The following RAB33B variants were observed in gnomAD, a reference collection of about 807,000 sequenced individuals.
RAB33B encodes ras-related protein Rab-33B.
A neutral mutation model predicts 15.0 loss-of-function variants in RAB33B; 6 were observed. That is an observed-to-expected ratio of 0.40 (90% CI 0.22 to 0.79). The LOEUF (loss-of-function observed/expected upper bound fraction) is 0.79. Among genes scored for constraint, RAB33B ranks in the 30% least tolerant of loss-of-function variants. RAB33B has a pLI of 0.37. For synonymous variants in RAB33B, 117 were observed against 108.3 expected (o/e 1.08, Z -0.50); for missense variants, 257 against 296.4 (o/e 0.87, Z 0.98).
chr4:139,459,832 C>T (rs919549823), intron 1 of RAB33B, among the ~76,000 whole-genome samples: 1 of 152,110 alleles, frequency 6.6e-6, no homozygotes, highest in African/African-American at 2.4e-5. Flanking sequence ...CGGGGTTTCA[C>T]CATGTTGGCC....
intron 1 of RAB33B, among the ~76,000 whole-genome samples, chr4:139,455,386 C>G (rs1167855822): frequency 6.6e-6 from 1 of 152,154 alleles, no homozygotes; most frequent in Non-Finnish European, 1.5e-5. Context: ...GTCTTTATCT[C>G]AGTCTCTTGG....
At chr4:139,443,328 G>A in the RAB33B span, among the ~76,000 whole-genome samples, 1 of 152,164 alleles carries the variant, frequency 6.6e-6, no homozygotes, top group Non-Finnish European at 1.5e-5. Flanking sequence ...AAAAATAAAT[G>A]CGTTTGACAC....
At position 139,470,973 on chromosome 4, in the gene RAB33B, G is replaced by A. The variant is rs142353962; in HGVS notation, c.250-1713G>A. 1.4e-3 allele frequency among the ~76,000 whole-genome samples: 213 copies of A among 152,162 alleles called. 2 individuals carry two copies. The highest frequency in any genetic ancestry group is 4.8e-3 in the African/African-American group (201 of 41,490). On this transcript the variant is annotated intron_variant, in intron 1 of 1. Transcript: ENST00000305626. ...TCCTCTCCTCAAATGGAGGGAAGTG[G>A]TCTTTTTTGGAGCTGTGAGCTGTGC...
rs547327813 is a variant in RAB33B at position 139,473,627 on chromosome 4, C to T, written c.*501C>T. The T allele has an allele frequency of 6.4e-6, 1 of 155,548 alleles. No homozygotes were observed. Among genetic ancestry groups the T allele is most frequent in the Non-Finnish European group, 1.4e-5 (1 of 70,086 alleles). The allele number at this position is 155,548 out of a possible 1,614,324, so 9.6% of individuals were successfully genotyped here. On this transcript the variant is annotated 3_prime_UTR_variant, in exon 2 of 2. Coordinates refer to ENST00000305626, the MANE Select transcript of RAB33B (RefSeq NM_031296.3). ...GAGCTCCTGGGCTCAAGCAATCCTC[C>T]CACCTCAGCCTCCCCAGTACTGGGA...
chr4:139,447,752 C>T, the RAB33B span, among the ~76,000 whole-genome samples: 39 of 147,848 alleles, frequency 2.6e-4, no homozygotes, highest in South Asian at 1.7e-3. Flanking sequence ...CTGCAAGCTC[C>T]GCCTCCCGGG....
At chr4:139,448,678 A>G (rs1749867984), upstream of RAB33B, 1 of 152,218 alleles carries the variant, frequency 6.6e-6, no homozygotes. Context: ...TGAGCCTCCC[A>G]AAGTGCTAGG....
intron 1 of RAB33B, among the ~76,000 whole-genome samples, chr4:139,467,792 A>T (rs1750317830): frequency 6.6e-6 from 1 of 151,716 alleles, no homozygotes. Flanking sequence ...CAGGAGGTTG[A>T]GGCAGCAGTG....
chr4:139,456,288 A>G (rs2111069944), intron 1 of RAB33B, among the ~76,000 whole-genome samples: 1 of 152,334 alleles, frequency 6.6e-6, no homozygotes, highest in South Asian at 2.1e-4. Flanking sequence ...AAACAAAACA[A>G]AAACAAAAAC....
At chr4:139,467,913 A>G (rs377592745) in intron 1 of RAB33B, among the ~76,000 whole-genome samples, 6 of 149,960 alleles carry the variant, frequency 4.0e-5, no homozygotes, top group Non-Finnish European at 7.4e-5. Flanking sequence ...ATTGTTGACT[A>G]TAGTCACCCT....
chr4:139,462,142 C>T (rs1750184914), intron 1 of RAB33B, among the ~76,000 whole-genome samples: 1 of 151,190 alleles, frequency 6.6e-6, no homozygotes, highest in African/African-American at 2.4e-5. Context: ...CAAGCTCCGC[C>T]TCCCGGGTTC....
the RAB33B span, among the ~76,000 whole-genome samples, chr4:139,439,490 T>A: frequency 6.6e-6 from 1 of 152,254 alleles, no homozygotes; most frequent in Admixed American, 6.5e-5. Flanking sequence ...TTGATTATAA[T>A]GTATCTCAGT....
At chr4:139,463,938 G>T (rs569674955) in intron 1 of RAB33B, among the ~76,000 whole-genome samples, 1 of 152,302 alleles carries the variant, frequency 6.6e-6, no homozygotes, top group South Asian at 2.1e-4. Context: ...CTTTGTAAAT[G>T]CCTCATTATT....
intron 1 of RAB33B, among the ~76,000 whole-genome samples, chr4:139,461,534 A>G (rs191535272): frequency 5.4e-4 from 82 of 152,330 alleles, no homozygotes; most frequent in African/African-American, 1.6e-3. Context: ...TGGAGTATAC[A>G]TGGAATGTGC....
At chr4:139,471,095 G>C (rs1750380732) in intron 1 of RAB33B, among the ~76,000 whole-genome samples, 1 of 152,040 alleles carries the variant, frequency 6.6e-6, no homozygotes, top group Non-Finnish European at 1.5e-5. Flanking sequence ...ACTGTCTCTG[G>C]GCCAGTTTAG....
At chr4:139,439,820 G>C in the RAB33B span, among the ~76,000 whole-genome samples, 1 of 151,924 alleles carries the variant, frequency 6.6e-6, no homozygotes, top group Non-Finnish European at 1.5e-5. Context: ...AATCCCTCTT[G>C]TGAATTTTTA....
chr4:139,440,028 G>GA, the RAB33B span, among the ~76,000 whole-genome samples: 18 of 152,056 alleles, frequency 1.2e-4, no homozygotes, highest in African/African-American at 4.3e-4. Context: ...TATTTTTGTT[G>GA]AAAACCAGAC....
In RAB33B at chr4:139,472,754, T is replaced by C. The variant is rs1184312348; in HGVS notation, c.318T>C (p.Asn106=). The part of the protein sequence containing the change: ...RKSMVQHYYR[N]VHAVVFVYDM... ...GCATGGTTCAGCACTACTACAGAAATGTACATGCTGTTGTCTTCGTGTATG... is the reference window on the plus strand; with the variant it reads ...GCATGGTTCAGCACTACTACAGAAACGTACATGCTGTTGTCTTCGTGTATG... The change falls in exon 2 of 2, where the codon AAT becomes AAC. Residue 106 remains asparagine, a synonymous_variant. Transcript: ENST00000305626. 2 of 1,613,836 alleles carry C rather than the reference T, an allele frequency of 1.2e-6. No individual in the cohort carries two copies. Among genetic ancestry groups the C allele is most frequent in the Non-Finnish European group, 1.7e-6 (2 of 1,179,828 alleles).
chr4:139,458,995 C>T (rs1425812276), intron 1 of RAB33B, among the ~76,000 whole-genome samples: 1 of 152,166 alleles, frequency 6.6e-6, no homozygotes, highest in Non-Finnish European at 1.5e-5. Flanking sequence ...ATTTACATTT[C>T]TCTCATGATT....
chr4:139,459,540 C>T (rs1486570881), intron 1 of RAB33B, among the ~76,000 whole-genome samples: 2 of 152,134 alleles, frequency 1.3e-5, no homozygotes, highest in East Asian at 1.9e-4. Flanking sequence ...TCATTGCATA[C>T]ATACCTGTCT....
Sources: allele counts gnomAD v4.1 joint callset (sites outside exome capture counted in the v4.1 genomes callset), GRCh38; gene constraint gnomAD v4.1.1; transcripts MANE v1.5; gene names NCBI Gene and HGNC (gene_info 2026-07-23, HGNC 2026-07-21).